NDUFA5: variants seen among roughly 807,000 people sequenced by gnomAD.
NDUFA5 encodes NADH dehydrogenase [ubiquinone] 1 alpha subcomplex subunit 5.
Under a neutral mutation model 19.8 loss-of-function variants are expected in NDUFA5, and 11 were observed. The observed-to-expected ratio is 0.56, with a 90% confidence interval of 0.35 to 0.92. The LOEUF is 0.92. Among genes scored for constraint, NDUFA5 ranks in the 40% least tolerant of loss-of-function variants. The probability of loss-of-function intolerance (pLI) is 0.01; values close to 1 mark genes in which losing one functional copy is unlikely to be tolerated. For synonymous variants in NDUFA5, 47 were observed against 46.8 expected (o/e 1.00, Z -0.01); for missense variants, 109 against 134.2 (o/e 0.81, Z 0.93).
At position 123,541,077 on chromosome 7, in the gene NDUFA5, T is replaced by C. The variant is rs1229628432; in HGVS notation, c.*1042A>G. 6.6e-6 allele frequency: 1 copy of C among 152,244 alleles called. No individual in the cohort carries two copies. Among genetic ancestry groups the C allele is most frequent in the African/African-American group, 2.4e-5 (1 of 41,460 alleles). 9.4% of individuals were successfully genotyped at this position (152,244 alleles called of 1,614,324 possible). On this transcript the variant is annotated 3_prime_UTR_variant, in exon 5 of 5. Transcript: ENST00000355749. ...TTTTATTTTTGTTTAACCTTAAGCT[T>C]GCCAACTTCTTTCCCTGAACAGCAT...
At chr7:123,575,351 A>G in the NDUFA5 span, among the ~76,000 whole-genome samples, 1 of 152,000 alleles carries the variant, frequency 6.6e-6, no homozygotes, top group Non-Finnish European at 1.5e-5. Flanking sequence ...TTGCTTTCAT[A>G]TGTTAAATAT....
At chr7:123,579,379 T>C in the NDUFA5 span, among the ~76,000 whole-genome samples, 4 of 152,140 alleles carry the variant, frequency 2.6e-5, no homozygotes, top group Non-Finnish European at 5.9e-5. Flanking sequence ...TGAATAACTA[T>C]TGTTAAATTT....
the NDUFA5 span, among the ~76,000 whole-genome samples, chr7:123,575,307 A>G: frequency 6.6e-6 from 1 of 151,994 alleles, no homozygotes; most frequent in Non-Finnish European, 1.5e-5. Flanking sequence ...ATCCTCTTCC[A>G]TTGATTCTAG....
chr7:123,589,241 A>T, the NDUFA5 span, among the ~76,000 whole-genome samples: 32 of 151,566 alleles, frequency 2.1e-4, no homozygotes, highest in Non-Finnish European at 1.0e-4. Context: ...ATATAATTAC[A>T]ATTGTTATTT....
the NDUFA5 span, among the ~76,000 whole-genome samples, chr7:123,579,168 T>C: frequency 1.3e-5 from 2 of 152,244 alleles, no homozygotes; most frequent in Middle Eastern, 6.8e-3. Context: ...TTTATGTTTC[T>C]GTATTAATTC....
At chr7:123,592,299 G>A in the NDUFA5 span, among the ~76,000 whole-genome samples, 7 of 152,080 alleles carry the variant, frequency 4.6e-5, no homozygotes, top group South Asian at 6.2e-4. Context: ...GTTCTGCTCC[G>A]ATCTTAGTTA....
chr7:123,597,357 T>C, the NDUFA5 span, among the ~76,000 whole-genome samples: 1 of 152,330 alleles, frequency 6.6e-6, no homozygotes, highest in South Asian at 2.1e-4. Flanking sequence ...GCTGCAAGAA[T>C]ATTGATGCTA....
the NDUFA5 span, among the ~76,000 whole-genome samples, chr7:123,566,179 C>T: frequency 5.9e-5 from 9 of 152,058 alleles, no homozygotes; most frequent in Admixed American, 5.9e-4. Context: ...CTGTTCAGTA[C>T]CACTAGCAAA....
At chr7:123,563,680 A>G in the NDUFA5 span, among the ~76,000 whole-genome samples, 1 of 152,242 alleles carries the variant, frequency 6.6e-6, no homozygotes, top group Non-Finnish European at 1.5e-5. Context: ...TTTGCAAAAT[A>G]TCTGCGAAGT....
chr7:123,578,033 C>T, the NDUFA5 span, among the ~76,000 whole-genome samples: 1 of 151,306 alleles, frequency 6.6e-6, no homozygotes, highest in Non-Finnish European at 1.5e-5. Context: ...CTAATGTTAT[C>T]CCTCCCCTAG....
chr7:123,575,101 C>G, the NDUFA5 span, among the ~76,000 whole-genome samples: 1 of 147,528 alleles, frequency 6.8e-6, no homozygotes, highest in East Asian at 2.0e-4. Context: ...ATATCTTTGC[C>G]TAGGCAGGCT....
intron 2 of NDUFA5, among the ~76,000 whole-genome samples, chr7:123,553,621 A>T (rs1412377021): frequency 6.6e-6 from 1 of 152,222 alleles, no homozygotes; most frequent in African/African-American, 2.4e-5. Context: ...GGAAATACAT[A>T]GAGCAAAGAG....
the NDUFA5 span, among the ~76,000 whole-genome samples, chr7:123,576,171 T>G: frequency 6.6e-6 from 1 of 151,710 alleles, no homozygotes; most frequent in Non-Finnish European, 1.5e-5. Flanking sequence ...TCTATATTTT[T>G]TATGGTCCTG....
the NDUFA5 span, among the ~76,000 whole-genome samples, chr7:123,592,494 T>C: frequency 6.6e-6 from 1 of 152,240 alleles, no homozygotes; most frequent in South Asian, 2.1e-4. Context: ...GTCTTTGTTC[T>C]CATTGATTTC....
chr7:123,577,152 A>C, the NDUFA5 span, among the ~76,000 whole-genome samples: 10,019 of 152,262 alleles, frequency 0.066, 359 homozygotes, highest in Non-Finnish European at 0.078. Flanking sequence ...GTATACCTAC[A>C]TGACTGATGT....
chr7:123,591,503 C>T, the NDUFA5 span, among the ~76,000 whole-genome samples: 1 of 152,086 alleles, frequency 6.6e-6, no homozygotes, highest in African/African-American at 2.4e-5. Context: ...AGAGTTTTAA[C>T]ATGAAAGGCT....
At chr7:123,549,041 A>T (rs896960448) in intron 3 of NDUFA5, among the ~76,000 whole-genome samples, 2 of 152,230 alleles carry the variant, frequency 1.3e-5, no homozygotes, top group African/African-American at 4.8e-5. Context: ...GATGATTTAA[A>T]GTATACAAGA....
the NDUFA5 span, among the ~76,000 whole-genome samples, chr7:123,599,609 C>T: frequency 6.8e-4 from 104 of 152,256 alleles, no homozygotes; most frequent in Non-Finnish European, 1.2e-3. Context: ...AATTCACAAA[C>T]AATGCTACCT....
At chr7:123,560,769 TG>T (rs1361508109), upstream of NDUFA5, among the ~76,000 whole-genome samples, 1 of 152,198 alleles carries the variant, frequency 6.6e-6, no homozygotes, top group Admixed American at 6.5e-5. Flanking sequence ...GTTACCATCA[TG>T]ACCTCATCTA....
Sources: gnomAD v4.1 joint callset for allele counts (sites outside exome capture counted in the v4.1 genomes callset) on GRCh38, gnomAD v4.1.1 for gene constraint, MANE v1.5 for transcripts, NCBI Gene and HGNC (gene_info 2026-07-23, HGNC 2026-07-21) for gene names.